Variants in KTN1 observed in about 807,000 individuals in gnomAD.
KTN1 encodes kinectin 1.
Under a neutral mutation model 222.5 loss-of-function variants are expected in KTN1, and 130 were observed. The ratio of observed to expected loss-of-function variants is 0.58; its 90% CI spans 0.51 to 0.68. KTN1 has a LOEUF of 0.68. KTN1 is among the 30% of genes least tolerant of loss of function. KTN1 has a pLI of 0.00. For missense variants in KTN1, 1,508 were observed against 1,500.4 expected (o/e 1.01, Z -0.08); for synonymous variants, 512 against 496.3 (o/e 1.03, Z -0.42).
In KTN1 at chr14:55,580,290, G is replaced by C. The variant is rs942947405; in HGVS notation, c.-95G>C. On this transcript the variant is annotated 5_prime_UTR_variant, in exon 1 of 44. Coordinates refer to ENST00000395314, the MANE Select transcript of KTN1 (RefSeq NM_001079521.2). ...GGCGGCGGCGGCGGCGCCTCGGAGC[G>C]GGCGGCCCGGGCTGTAGTGCCGGCG... is the stretch of plus-strand genomic sequence containing the variant. 1.3e-5 allele frequency: 2 copies of C among 155,536 alleles called. No homozygotes were observed. The highest frequency in any genetic ancestry group is 4.9e-5 in the African/African-American group (2 of 40,978). The allele number at this position is 155,536 out of a possible 1,614,324, so 9.6% of individuals were successfully genotyped here. A position where few individuals can be genotyped will look rare whatever the true frequency, so the allele number is the denominator to read the frequency against.
At chr14:55,648,286 C>T (rs547219976) in intron 20 of KTN1, among the ~76,000 whole-genome samples, 171 bp downstream of exon 20, 1 of 152,234 alleles carries the variant, frequency 6.6e-6, no homozygotes, top group African/African-American at 2.4e-5. Flanking sequence ...GTTAAAAATG[C>T]ATAACATTGA....
intron 1 of KTN1, among the ~76,000 whole-genome samples, chr14:55,594,378 A>G (rs1027200470): frequency 9.2e-5 from 14 of 152,156 alleles, no homozygotes; most frequent in African/African-American, 3.4e-4. Flanking sequence ...ATGATTATAT[A>G]ATAATTAGTT....
chr14:55,602,905 G>A (rs8009454), intron 1 of KTN1, among the ~76,000 whole-genome samples: 2 of 152,018 alleles, frequency 1.3e-5, no homozygotes, highest in Non-Finnish European at 2.9e-5. Flanking sequence ...CTTATTCTCT[G>A]CTTATGACTT....
intron 29 of KTN1, among the ~76,000 whole-genome samples, chr14:55,657,397 G>GTTTTTTTTTTTTTTTTTTTTT (rs35297700): frequency 2.9e-5 from 4 of 137,660 alleles, no homozygotes; most frequent in African/African-American, 8.2e-5. Context: ...CTGAGTTGAC[G>GTTTTTTTTTTTTTTTTTTTTT]TTTTTTTTTT....
At chr14:55,679,388 C>T (rs1410585628) in intron 42 of KTN1, 177 bp from the exon 43 acceptor site, 4 of 532,332 alleles carry the variant, frequency 7.5e-6, no homozygotes, top group African/African-American at 2.0e-5. Context: ...CTAGTTTGCA[C>T]CACTAGTTAG....
At chr14:55,666,414 A>C (rs1252934360) in intron 33 of KTN1, among the ~76,000 whole-genome samples, 1 of 149,446 alleles carries the variant, frequency 6.7e-6, no homozygotes, top group Non-Finnish European at 1.5e-5. Flanking sequence ...GCATTTTTAT[A>C]GGGGTCTTTT....
intron 33 of KTN1, among the ~76,000 whole-genome samples, chr14:55,664,330 T>TG (rs2044467963): frequency 6.6e-6 from 1 of 152,122 alleles, no homozygotes; most frequent in African/African-American, 2.4e-5. Context: ...ATGCGCCTTT[T>TG]GGGTTGGTTA....
intron 32 of KTN1, among the ~76,000 whole-genome samples, chr14:55,662,328 G>A (rs1044663450): frequency 1.2e-4 from 18 of 151,914 alleles, no homozygotes; most frequent in Admixed American, 7.2e-4. Context: ...CCTCGGCCTC[G>A]CAAAGTGCTG....
intron 1 of KTN1, among the ~76,000 whole-genome samples, chr14:55,611,634 C>A (rs1244740070): frequency 6.6e-6 from 1 of 152,006 alleles, no homozygotes; most frequent in Admixed American, 6.6e-5. Context: ...AATAGTACCT[C>A]CTTATTTTCA....
intron 1 of KTN1, among the ~76,000 whole-genome samples, chr14:55,597,832 C>T (rs116855655): frequency 0.038 from 5,760 of 150,642 alleles, 143 homozygotes; most frequent in Non-Finnish European, 0.061. Context: ...CCAGTCTAGG[C>T]GACAGTCAGA....
intron 1 of KTN1, among the ~76,000 whole-genome samples, chr14:55,593,061 C>T (rs79329872): frequency 0.023 from 3,484 of 152,002 alleles, 147 homozygotes; most frequent in African/African-American, 0.08. Context: ...TCTATTTTGT[C>T]TAGAGTGTAT....
chr14:55,625,173 TTCAGTGAC>T (rs1182851830), intron 5 of KTN1, among the ~76,000 whole-genome samples: 1 of 152,184 alleles, frequency 6.6e-6, no homozygotes, highest in East Asian at 1.9e-4. Context: ...GTTACTTAGC[TTCAGTGAC>T]TCAGTTTTCC....
intron 24 of KTN1, chr14:55,651,369 A>G (rs1048594287): frequency 2.2e-6 from 1 of 455,882 alleles, no homozygotes; most frequent in African/African-American, 2.0e-5. Context: ...AGAGTGGAGG[A>G]TAAAAGGTAT....
intron 5 of KTN1, among the ~76,000 whole-genome samples, chr14:55,624,470 T>C (rs552799766): frequency 7.9e-5 from 12 of 152,290 alleles, no homozygotes; most frequent in African/African-American, 2.9e-4. Context: ...GAGTAGAGGA[T>C]TGAGAAATTT....
chr14:55,608,494 T>A (rs1249855071), intron 1 of KTN1, among the ~76,000 whole-genome samples: 5 of 152,194 alleles, frequency 3.3e-5, no homozygotes, highest in Non-Finnish European at 4.4e-5. Context: ...TTTAGCAGCA[T>A]TGAATTGAAT....
chr14:55,614,638 C>G (rs1361045827), intron 2 of KTN1, among the ~76,000 whole-genome samples: 1 of 152,162 alleles, frequency 6.6e-6, no homozygotes, highest in Non-Finnish European at 1.5e-5. Context: ...AAGTCAAAAT[C>G]TCAGTACTCA....
chr14:55,646,534 C>A (rs187212667), intron 18 of KTN1, among the ~76,000 whole-genome samples: 1 of 133,910 alleles, frequency 7.5e-6, no homozygotes, highest in Admixed American at 8.1e-5. Context: ...CCTTTCCTTT[C>A]CTTTCCTTTC....
intron 43 of KTN1, chr14:55,681,504 T>C (rs1324637163): frequency 6.6e-6 from 1 of 152,240 alleles, no homozygotes; most frequent in African/African-American, 2.4e-5. Context: ...TTTGTTTTAA[T>C]TGTATTACAC....
intron 24 of KTN1, 113 bp downstream of exon 24, chr14:55,650,750 G>A: frequency 1.5e-6 from 1 of 645,908 alleles, no homozygotes; most frequent in Non-Finnish European, 2.7e-6. Flanking sequence ...GGTATATTGG[G>A]TTATGTGCTT....
Sources: allele counts gnomAD v4.1 joint callset (sites outside exome capture counted in the v4.1 genomes callset), GRCh38; gene constraint gnomAD v4.1.1; transcripts MANE v1.5; gene names NCBI Gene and HGNC (gene_info 2026-07-23, HGNC 2026-07-21).